WIF1: variants seen among roughly 807,000 people sequenced by gnomAD.
The protein encoded by WIF1 is Wnt inhibitory factor 1.
In WIF1, 35 loss-of-function variants were observed where a neutral mutation model predicts 53.5. That is an observed-to-expected ratio of 0.65 (90% CI 0.50 to 0.87). WIF1 has a LOEUF of 0.87. WIF1 is among the 40% of genes least tolerant of loss of function. The pLI, the probability that WIF1 is intolerant of heterozygous loss-of-function variation, is 0.00. For missense variants in WIF1, 467 were observed against 476.8 expected, an observed-to-expected ratio of 0.98 and a Z score of 0.19; for synonymous variants, 171 against 170.4, an observed-to-expected ratio of 1.00 and a Z score of -0.03.
intron 6 of WIF1, among the ~76,000 whole-genome samples, chr12:65,062,805 G>A (rs377351817): frequency 1.3e-5 from 2 of 152,030 alleles, no homozygotes; most frequent in East Asian, 3.9e-4. Flanking sequence ...CCCACCAGTA[G>A]GAGTTTCCAT....
rs553762024 is a variant in WIF1, at chr12:65,055,205, C to T, written c.931G>A (p.Glu311Lys). Residue 311 changes from glutamate (E) to lysine (K), a missense_variant, in exon 9 of 10, where the codon GAG (glutamate) becomes AAG (lysine). By Grantham distance (56) the Glu-to-Lys change is moderately conservative. Transcript: ENST00000286574. ...QGDLCSKPVC[E>K]PGCGAHGTCH... ...GTTCCATGTGCACCACAGCCAGGCT[C>T]GCAGACAGCTAGAATCAAAAGAAAT... 16 of 1,613,678 alleles carry T rather than the reference C, an allele frequency of 9.9e-6. No homozygotes were observed. Among genetic ancestry groups the T allele is most frequent in the Admixed American group, 5.0e-5 (3 of 59,930 alleles).
chr12:65,104,914 G>T (rs1410564233), intron 2 of WIF1, among the ~76,000 whole-genome samples: 1 of 152,160 alleles, frequency 6.6e-6, no homozygotes, highest in Non-Finnish European at 1.5e-5. Flanking sequence ...AGGAGTCAGG[G>T]CTTAAGAAAT....
At chr12:65,116,971 G>A (rs1451509007) in intron 2 of WIF1, among the ~76,000 whole-genome samples, 2 of 143,230 alleles carry the variant, frequency 1.4e-5, no homozygotes, top group African/African-American at 2.6e-5. Context: ...ATTGTCTTCC[G>A]TGAAACCAGA....
chr12:65,074,770 C>T (rs961122009), intron 3 of WIF1, among the ~76,000 whole-genome samples: 1 of 143,094 alleles, frequency 7.0e-6, no homozygotes, highest in African/African-American at 2.6e-5. Flanking sequence ...TGAGTTGAGA[C>T]CCGCACCACT....
intron 2 of WIF1, among the ~76,000 whole-genome samples, chr12:65,095,219 G>A (rs532148538): frequency 2.3e-4 from 35 of 151,926 alleles, no homozygotes; most frequent in Non-Finnish European, 4.3e-4. Flanking sequence ...AGGATTACAG[G>A]TGTGAGCCAC....
At chr12:65,086,528 A>G (rs1883040506) in intron 2 of WIF1, among the ~76,000 whole-genome samples, 1 of 152,162 alleles carries the variant, frequency 6.6e-6, no homozygotes, top group Non-Finnish European at 1.5e-5. Flanking sequence ...AAGGAACAGC[A>G]TGGAGAAACT....
chr12:65,105,349 C>G (rs188286131), intron 2 of WIF1, among the ~76,000 whole-genome samples: 83 of 152,290 alleles, frequency 5.5e-4, no homozygotes, highest in African/African-American at 1.6e-3. Context: ...GCTGAAGGAA[C>G]TTAACATTGG....
chr12:65,119,448 T>C (rs776463388), intron 2 of WIF1, among the ~76,000 whole-genome samples: 5 of 152,216 alleles, frequency 3.3e-5, no homozygotes, highest in African/African-American at 4.8e-5. Flanking sequence ...GTCATGTCTA[T>C]ACCACAACAG....
intron 6 of WIF1, among the ~76,000 whole-genome samples, chr12:65,065,848 G>A (rs761964128): frequency 3.9e-5 from 6 of 152,178 alleles, no homozygotes; most frequent in South Asian, 2.1e-4. Context: ...AGTATGAATC[G>A]TTCAGCAATT....
intron 2 of WIF1, among the ~76,000 whole-genome samples, chr12:65,080,447 A>C (rs1338506294): frequency 6.6e-6 from 1 of 152,182 alleles, no homozygotes; most frequent in Non-Finnish European, 1.5e-5. Context: ...AATTCCTTTG[A>C]AAGAGAGAAC....
intron 2 of WIF1, among the ~76,000 whole-genome samples, chr12:65,117,980 G>C (rs1883538147): frequency 6.6e-6 from 1 of 152,214 alleles, no homozygotes; most frequent in Non-Finnish European, 1.5e-5. Context: ...GCACTGGTCT[G>C]TGGCCCAGAG....
intron 6 of WIF1, among the ~76,000 whole-genome samples, chr12:65,066,250 C>A (rs1251476313): frequency 6.6e-6 from 1 of 152,112 alleles, no homozygotes; most frequent in African/African-American, 2.4e-5. Flanking sequence ...TGGGTAAATT[C>A]TGGGCCAGGG....
chr12:65,103,016 T>TATATTTTCCACTC (rs1883304455), intron 2 of WIF1, among the ~76,000 whole-genome samples: 2 of 152,232 alleles, frequency 1.3e-5, no homozygotes, highest in African/African-American at 2.4e-5. Context: ...GAAATCCACT[T>TATATTTTCCACTC]ATATTTTCCA....
chr12:65,081,687 A>C (rs551220869), intron 2 of WIF1, among the ~76,000 whole-genome samples: 41 of 152,264 alleles, frequency 2.7e-4, no homozygotes, highest in Non-Finnish European at 3.8e-4. Context: ...AGCAAAAGGC[A>C]GTTACCAGAG....
At chr12:65,066,085 A>C (rs1882682523) in intron 6 of WIF1, among the ~76,000 whole-genome samples, 1 of 152,162 alleles carries the variant, frequency 6.6e-6, no homozygotes, top group Non-Finnish European at 1.5e-5. Context: ...ATGTGGCAAG[A>C]CCAGCTAATT....
At chr12:65,101,091 G>T (rs533055551) in intron 2 of WIF1, among the ~76,000 whole-genome samples, 6 of 151,844 alleles carry the variant, frequency 4.0e-5, no homozygotes. Flanking sequence ...AATTTATGAT[G>T]GAAAAATGTA....
In WIF1 at chr12:65,051,257, A is replaced by G. The variant is rs1178099037; in HGVS notation, c.*92T>C. ...AATAAAATTCAGGCCAGTATTCTTA[A>G]GTGTAATGAACATTATTTGAACATT... On this transcript the variant is annotated 3_prime_UTR_variant, in exon 10 of 10. Transcript: ENST00000286574. 2.8e-6 allele frequency: 4 copies of G among 1,450,886 alleles called. No individual in the cohort carries two copies. In the African/African-American group the frequency reaches 5.7e-5, roughly 21 times the overall value. 89.9% of individuals were successfully genotyped at this position (1,450,886 alleles called of 1,614,324 possible). A position where few individuals can be genotyped will look rare whatever the true frequency, so the allele number is the denominator to read the frequency against.
chr12:65,119,307 C>A (rs1469002567), intron 2 of WIF1, among the ~76,000 whole-genome samples: 1 of 152,100 alleles, frequency 6.6e-6, no homozygotes, highest in Non-Finnish European at 1.5e-5. Flanking sequence ...CTGTTATAAA[C>A]CTCAGTGAAT....
At chr12:65,080,674 TCTATTA>T (rs1882935349) in intron 2 of WIF1, among the ~76,000 whole-genome samples, 1 of 152,212 alleles carries the variant, frequency 6.6e-6, no homozygotes. Flanking sequence ...TTGAATTATT[TCTATTA>T]CTAAGTACAG....
Sources: gnomAD v4.1 joint callset for allele counts (sites outside exome capture counted in the v4.1 genomes callset) on GRCh38, gnomAD v4.1.1 for gene constraint, MANE v1.5 for transcripts, NCBI Gene and HGNC (gene_info 2026-07-23, HGNC 2026-07-21) for gene names.